The following IVD variants were observed in gnomAD, a reference collection of about 807,000 sequenced individuals.
The protein encoded by IVD is isovaleryl-CoA dehydrogenase.
In IVD, 31 loss-of-function variants were observed where a neutral mutation model predicts 51.3. The ratio of observed to expected loss-of-function variants is 0.60; its 90% CI spans 0.45 to 0.81. The LOEUF (loss-of-function observed/expected upper bound fraction) is 0.81, where lower values mean the gene tolerates loss of function less well. Among genes scored for constraint, IVD ranks in the 40% least tolerant of loss-of-function variants. The pLI is 0.00. For synonymous variants in IVD, 205 were observed against 219.4 expected, an observed-to-expected ratio of 0.93 and a Z score of 0.58; for missense variants, 475 against 552.0, an observed-to-expected ratio of 0.86 and a Z score of 1.40.
intron 7 of IVD, among the ~76,000 whole-genome samples, chr15:40,414,035 A>G (rs988177432): frequency 6.6e-6 from 1 of 152,064 alleles, no homozygotes; most frequent in South Asian, 2.1e-4. Context: ...TTGTATTTTT[A>G]GTAGAGACAG....
downstream of IVD, chr15:40,424,088 T>C (rs1434998828): frequency 8.4e-7 from 1 of 1,194,336 alleles, no homozygotes; most frequent in Non-Finnish European, 1.1e-6. Flanking sequence ...ATCTCTTAAA[T>C]ACTTCCTGGA....
chr15:40,407,801 C>A, intron 2 of IVD, 76 bp downstream of exon 2: 1 of 1,453,712 alleles, frequency 6.9e-7, no homozygotes, highest in Non-Finnish European at 9.5e-7. Flanking sequence ...GAAGAGCTCA[C>A]ACAGTTTTCT....
chr15:40,411,762 C>G (rs1160450310), intron 6 of IVD, 71 bp downstream of exon 6: 31 of 1,552,604 alleles, frequency 2.0e-5, no homozygotes, highest in Non-Finnish European at 2.7e-5. Context: ...AGCCCGTTCA[C>G]TGATCTCAAA....
At chr15:40,409,608 C>A (rs1015295309) in intron 3 of IVD, among the ~76,000 whole-genome samples, 9 of 152,088 alleles carry the variant, frequency 5.9e-5, no homozygotes, top group Non-Finnish European at 8.8e-5. Context: ...TCAGAGTGAA[C>A]ATGTGTATAG....
At chr15:40,435,331 G>A in intron 8 of IVD, 2 of 935,866 alleles carry the variant, frequency 2.1e-6, no homozygotes, top group Non-Finnish European at 2.6e-6. Flanking sequence ...TTCTTCCCCG[G>A]GGAAAGAGAT....
downstream of IVD, among the ~76,000 whole-genome samples, chr15:40,424,837 C>T (rs1413620981): frequency 6.6e-6 from 1 of 152,216 alleles, no homozygotes; most frequent in African/African-American, 2.4e-5. Flanking sequence ...CCAATAGCAC[C>T]CGGGGCTCAC....
chr15:40,412,354 G>T (rs931121426), intron 6 of IVD, among the ~76,000 whole-genome samples: 2 of 152,188 alleles, frequency 1.3e-5, no homozygotes, highest in African/African-American at 2.4e-5. Context: ...GCCACGAGTG[G>T]GGGAGTTGGC....
At position 40,416,201 on chromosome 15, in the gene IVD, C is replaced by T. The variant is rs372992111; in HGVS notation, c.1065+19C>T. 1.7e-5 allele frequency: 28 copies of T among 1,613,092 alleles called. No individual in the cohort carries two copies. Among genetic ancestry groups the T allele is most frequent in the Middle Eastern group, 1.6e-4 (1 of 6,082 alleles). On this transcript the variant is annotated intron_variant, in intron 10 of 11. Transcript: ENST00000487418. ...TGCTAAGGTGAGGGCCAGCCTCAGT[C>T]GGGGAGAGGCGGGGGCAGTGGACCA... is the stretch of plus-strand genomic sequence containing the variant.
At chr15:40,433,926 G>A (rs1893123966) in intron 8 of IVD, 2 of 456,548 alleles carry the variant, frequency 4.4e-6, no homozygotes, top group South Asian at 3.1e-5. Context: ...TACTATTAGA[G>A]ATTGGCATGA....
In IVD at chr15:40,406,092, C is replaced by A. The variant is rs1311787029; in HGVS notation, c.144+121C>A. ...CCCAGCCTTGGCTTTTGCCCGTGGG[C>A]CGTTGGGAGCGCCAGCGCGGGGGCG... On this transcript the variant is annotated intron_variant, in intron 1 of 11. Transcript: ENST00000487418. 1.9e-6 allele frequency: 3 copies of A among 1,541,250 alleles called. No individual in the cohort carries two copies. The South Asian group carries it at 3.6e-5, about 19-fold the overall frequency.
At position 40,420,151 on chromosome 15, in the gene IVD, G is replaced by T. The variant is rs529843170; in HGVS notation, c.*1888G>T. 33 of 879,902 alleles carry T rather than the reference G, an allele frequency of 3.8e-5. No individual in the cohort carries two copies. In the African/African-American group the frequency reaches 4.2e-4, roughly 11 times the overall value. The allele number at this position is 879,902 out of a possible 1,614,324, so 54.5% of individuals were successfully genotyped here. A position where few individuals can be genotyped will look rare whatever the true frequency, so the allele number is the denominator to read the frequency against. Reference sequence around the variant, plus strand: ...AACACACATGCTGCTGAGTCCGCAGGGGGGGCAGAGCAGAGGACAGCGTGC... The same window carrying T: ...AACACACATGCTGCTGAGTCCGCAGTGGGGGCAGAGCAGAGGACAGCGTGC... On this transcript the variant is annotated 3_prime_UTR_variant, in exon 12 of 12. Transcript: ENST00000487418.
At chr15:40,417,653 A>G (rs550995835) in intron 11 of IVD, among the ~76,000 whole-genome samples, 1 of 152,248 alleles carries the variant, frequency 6.6e-6, no homozygotes, top group African/African-American at 2.4e-5. Context: ...TATCTATGCT[A>G]TGTGGGCTAC....
In IVD at chr15:40,419,503, T is replaced by A. The variant is rs146819701; in HGVS notation, c.*1240T>A. ...TCCAGCCTGGGCCATAGAGTGAGAC[T>A]CTGTCTCAAAAAAGGAAAGAAAAAT... On this transcript the variant is annotated 3_prime_UTR_variant, in exon 12 of 12. Coordinates refer to ENST00000487418, the MANE Select transcript of IVD (RefSeq NM_002225.5). 214 of 221,328 alleles carry A rather than the reference T, an allele frequency of 9.7e-4. No individual in the cohort carries two copies. The highest frequency in any genetic ancestry group is 9.8e-4 in the South Asian group (16 of 16,282). 13.7% of individuals were successfully genotyped at this position (221,328 alleles called of 1,614,324 possible).
At chr15:40,434,903 T>C (rs577500506) in intron 8 of IVD, among the ~76,000 whole-genome samples, 1 of 152,324 alleles carries the variant, frequency 6.6e-6, no homozygotes, top group South Asian at 2.1e-4. Context: ...TGGCCATCCC[T>C]GGCCTCAGAA....
At chr15:40,435,603 T>C (rs997526557), downstream of IVD, 1 of 1,108,594 alleles carries the variant, frequency 9.0e-7, no homozygotes, top group African/African-American at 1.7e-5. Context: ...TTCCTCAAAA[T>C]CCTTCTATGT....
downstream of IVD, among the ~76,000 whole-genome samples, chr15:40,425,322 C>G (rs1399178444): frequency 6.6e-6 from 1 of 151,988 alleles, no homozygotes; most frequent in Admixed American, 6.6e-5. Flanking sequence ...GAGCCACCAT[C>G]CTGAATTTGG....
chr15:40,418,619 G>T lies in IVD; in HGVS notation c.*356G>T. Reference sequence around the variant, plus strand: ...TGCAGGTGCCCACCTCCCAGGGTAGGCACCTGGGGGCATGCAGGTACCCAC... The same window carrying T: ...TGCAGGTGCCCACCTCCCAGGGTAGTCACCTGGGGGCATGCAGGTACCCAC... On this transcript the variant is annotated 3_prime_UTR_variant, in exon 12 of 12. Transcript: ENST00000487418. 8.6e-7 allele frequency: 1 copy of T among 1,169,524 alleles called. No individual in the cohort carries two copies. Among genetic ancestry groups the T allele is most frequent in the African/African-American group, 1.6e-5 (1 of 62,326 alleles). 72.4% of individuals were successfully genotyped at this position (1,169,524 alleles called of 1,614,324 possible).
chr15:40,418,594 T>C lies in IVD; in HGVS notation c.*331T>C, dbSNP rs1160470699. 1 of 915,956 alleles carries C rather than the reference T, an allele frequency of 1.1e-6. No homozygotes were observed. Among genetic ancestry groups the C allele is most frequent in the East Asian group, 5.7e-5 (1 of 17,474 alleles). The allele number at this position is 915,956 out of a possible 1,614,324, so 56.7% of individuals were successfully genotyped here. A position where few individuals can be genotyped will look rare whatever the true frequency, so the allele number is the denominator to read the frequency against. ...CTCCCAGGGTAGGCACCTGGGGGCATGCAGGTGCCCACCTCCCAGGGTAGG... is the reference window on the plus strand; with the variant it reads ...CTCCCAGGGTAGGCACCTGGGGGCACGCAGGTGCCCACCTCCCAGGGTAGG... On this transcript the variant is annotated 3_prime_UTR_variant, in exon 12 of 12. Coordinates refer to ENST00000487418, the MANE Select transcript of IVD (RefSeq NM_002225.5).
chr15:40,434,548 C>T (rs1247739658), intron 8 of IVD, among the ~76,000 whole-genome samples: 1 of 152,136 alleles, frequency 6.6e-6, no homozygotes, highest in Non-Finnish European at 1.5e-5. Context: ...TAAATAAAGA[C>T]TTACGGGCAA....
Sources: gnomAD v4.1 joint callset for allele counts (sites outside exome capture counted in the v4.1 genomes callset) on GRCh38, gnomAD v4.1.1 for gene constraint, MANE v1.5 for transcripts, NCBI Gene and HGNC (gene_info 2026-07-23, HGNC 2026-07-21) for gene names.